The following DSCAML1 variants were observed in gnomAD, a reference collection of about 807,000 sequenced individuals.
The protein encoded by DSCAML1 is DS cell adhesion molecule like 1.
In DSCAML1, 38 loss-of-function variants were observed where a neutral mutation model predicts 200.5. That is an observed-to-expected ratio of 0.19 (90% CI 0.15 to 0.25). The LOEUF is 0.25. Among genes scored for constraint, DSCAML1 ranks in the 10% least tolerant of loss-of-function variants. DSCAML1 has a pLI of 1.00. For missense variants in DSCAML1, 2,223 were observed against 2,858.8 expected (o/e 0.78, Z 5.07); for synonymous variants, 1,215 against 1,165.0 (o/e 1.04, Z -0.87).
chr11:117,597,049 G>A (rs958523552), intron 3 of DSCAML1, among the ~76,000 whole-genome samples: 1 of 152,120 alleles, frequency 6.6e-6, no homozygotes, highest in African/African-American at 2.4e-5. Context: ...ATTATTGGAT[G>A]GTGCTGCGGC....
chr11:117,608,538 C>T (rs1189502384), intron 3 of DSCAML1, among the ~76,000 whole-genome samples: 3 of 152,136 alleles, frequency 2.0e-5, no homozygotes, highest in Admixed American at 6.5e-5. Flanking sequence ...TAACATTATA[C>T]GAGAACATTT....
chr11:117,678,629 T>A (rs1447704540), intron 3 of DSCAML1, among the ~76,000 whole-genome samples: 2 of 152,166 alleles, frequency 1.3e-5, no homozygotes, highest in African/African-American at 4.8e-5. Context: ...CTGAAGGTAG[T>A]GAGTGAGTGT....
At chr11:117,709,875 A>G (rs1161155622) in intron 3 of DSCAML1, 2 of 415,448 alleles carry the variant, frequency 4.8e-6, no homozygotes, top group African/African-American at 2.1e-5. Context: ...TGGCCATGAG[A>G]CAGGTCCAGA....
chr11:117,452,288 C>A (rs4499034), intron 19 of DSCAML1, among the ~76,000 whole-genome samples: 1 of 152,074 alleles, frequency 6.6e-6, no homozygotes, highest in South Asian at 2.1e-4. Flanking sequence ...TATTTTGAGG[C>A]GATATTATTG....
chr11:117,456,187 G>A (rs1399451548), intron 19 of DSCAML1, among the ~76,000 whole-genome samples: 4 of 152,182 alleles, frequency 2.6e-5, no homozygotes, highest in East Asian at 3.8e-4. Context: ...ACTCTGTCTT[G>A]CCTGGTGTGA....
At chr11:117,485,413 C>T (rs904420590) in intron 11 of DSCAML1, among the ~76,000 whole-genome samples, 2 of 152,242 alleles carry the variant, frequency 1.3e-5, no homozygotes, top group African/African-American at 4.8e-5. Flanking sequence ...CTCTTACAGT[C>T]CCCTAGCTCA....
intron 19 of DSCAML1, among the ~76,000 whole-genome samples, chr11:117,452,522 T>C (rs957658242): frequency 3.9e-5 from 6 of 152,206 alleles, no homozygotes; most frequent in African/African-American, 1.4e-4. Context: ...AAACAGTACA[T>C]ATTTGGGTAT....
intron 11 of DSCAML1, among the ~76,000 whole-genome samples, chr11:117,495,562 A>G (rs896441756): frequency 6.6e-6 from 1 of 152,034 alleles, no homozygotes; most frequent in Non-Finnish European, 1.5e-5. Context: ...GAGTCACTTT[A>G]GCGGGGGGCA....
At chr11:117,476,338 C>T (rs2048791173) in intron 14 of DSCAML1, among the ~76,000 whole-genome samples, 1 of 152,086 alleles carries the variant, frequency 6.6e-6, no homozygotes, top group Non-Finnish European at 1.5e-5. Context: ...GCTCAGGAAG[C>T]ACATTCATTC....
At chr11:117,798,104 T>C (rs2055616845), upstream of DSCAML1, among the ~76,000 whole-genome samples, 1 of 152,216 alleles carries the variant, frequency 6.6e-6, no homozygotes, top group African/African-American at 2.4e-5. Context: ...CCTTTCGTCT[T>C]AATTCCAAAA....
At chr11:117,712,009 C>T (rs911356526) in intron 3 of DSCAML1, among the ~76,000 whole-genome samples, 16 of 152,140 alleles carry the variant, frequency 1.1e-4, no homozygotes, top group African/African-American at 2.2e-4. Flanking sequence ...TTGCTATATT[C>T]GTTTAGAAAA....
In DSCAML1 at chr11:117,516,086, C is replaced by A. The variant is rs1371131244; in HGVS notation, c.1783+381G>T. 1.3e-5 allele frequency among the ~76,000 whole-genome samples: 2 copies of A among 152,160 alleles called. No individual in the cohort carries two copies. On this transcript the variant is annotated intron_variant, in intron 8 of 32. Coordinates refer to ENST00000651296, the MANE Select transcript of DSCAML1 (RefSeq NM_020693.4). The surrounding 1 kb of genome is among the most constrained non-coding windows in gnomAD (Gnocchi z 5.7). ...AACCCTGGCCTCCTGTTGCTTGTGGCCTCCTTGTGTGGGCCCGCTGAGCTC... is the reference window on the plus strand; with the variant it reads ...AACCCTGGCCTCCTGTTGCTTGTGGACTCCTTGTGTGGGCCCGCTGAGCTC...
At chr11:117,722,222 T>G (rs554324966) in intron 3 of DSCAML1, among the ~76,000 whole-genome samples, 2 of 151,992 alleles carry the variant, frequency 1.3e-5, no homozygotes, top group East Asian at 3.9e-4. Flanking sequence ...AGAAGGCTTA[T>G]GTCCAGGGCT....
intron 18 of DSCAML1, among the ~76,000 whole-genome samples, chr11:117,459,893 A>G (rs1193931204): frequency 6.6e-6 from 1 of 152,250 alleles, no homozygotes; most frequent in African/African-American, 2.4e-5. Context: ...GCTGGGATCC[A>G]GAGGGCAAGA....
At chr11:117,448,424 C>A (rs553861462) in intron 20 of DSCAML1, among the ~76,000 whole-genome samples, 13 of 152,270 alleles carry the variant, frequency 8.5e-5, no homozygotes, top group African/African-American at 3.1e-4. Context: ...TGAAAAGATG[C>A]TGCCCCTGTC....
chr11:117,653,532 C>T (rs2052673690), intron 3 of DSCAML1, among the ~76,000 whole-genome samples: 1 of 152,106 alleles, frequency 6.6e-6, no homozygotes, highest in Non-Finnish European at 1.5e-5. Flanking sequence ...AGCCCATGAG[C>T]TAGGTGAGGA....
chr11:117,646,161 C>T (rs1234319390), intron 3 of DSCAML1, among the ~76,000 whole-genome samples: 4 of 110,492 alleles, frequency 3.6e-5, no homozygotes, highest in Non-Finnish European at 6.9e-5. Context: ...CATTCAAAGT[C>T]AGAAAAAAAG....
chr11:117,651,579 G>C (rs2052632545), intron 3 of DSCAML1, among the ~76,000 whole-genome samples: 1 of 151,636 alleles, frequency 6.6e-6, no homozygotes, highest in South Asian at 2.1e-4. Context: ...GGCCGTGGTG[G>C]CGGGCACCTG....
intron 8 of DSCAML1, among the ~76,000 whole-genome samples, chr11:117,515,582 G>A (rs1033459038): frequency 2.7e-5 from 4 of 146,036 alleles, no homozygotes; most frequent in African/African-American, 1.0e-4. Flanking sequence ...TCACCCAGGT[G>A]GATGTCAAGG....
Sources: gnomAD v4.1 joint callset for allele counts (sites outside exome capture counted in the v4.1 genomes callset) on GRCh38, gnomAD v4.1.1 for gene constraint, Gnocchi (gnomAD v3.1) non-coding constraint, MANE v1.5 for transcripts, NCBI Gene and HGNC (gene_info 2026-07-23, HGNC 2026-07-21) for gene names.